Variants in ELAPOR2 observed in about 807,000 individuals in gnomAD.
The protein encoded by ELAPOR2 is endosome/lysosome-associated apoptosis and autophagy regulator family member 2.
In ELAPOR2, 89 loss-of-function variants were observed where a neutral mutation model predicts 120.7. The ratio of observed to expected loss-of-function variants is 0.74; its 90% confidence interval spans 0.62 to 0.88. ELAPOR2 has a LOEUF of 0.88. Among genes scored for constraint, ELAPOR2 ranks in the 40% least tolerant of loss-of-function variants. The pLI, the probability that ELAPOR2 is intolerant of heterozygous loss-of-function variation, is 0.00. For missense variants in ELAPOR2, 1,134 were observed against 1,251.6 expected (o/e 0.91, Z 1.42); for synonymous variants, 444 against 444.9 (o/e 1.00, Z 0.03).
intron 2 of ELAPOR2, among the ~76,000 whole-genome samples, chr7:86,952,164 G>A (rs1304893719): frequency 1.3e-5 from 2 of 152,182 alleles, no homozygotes; most frequent in Non-Finnish European, 2.9e-5. Flanking sequence ...AACTATGAAA[G>A]CATTGAGTGT....
At chr7:86,941,718 C>G (rs1790802802) in intron 5 of ELAPOR2, among the ~76,000 whole-genome samples, 1 of 151,734 alleles carries the variant, frequency 6.6e-6, no homozygotes. Flanking sequence ...CTCATGGATG[C>G]CCCTTTGAAA....
chr7:86,923,233 A>T (rs1233782195), intron 10 of ELAPOR2, among the ~76,000 whole-genome samples: 1 of 151,950 alleles, frequency 6.6e-6, no homozygotes, highest in African/African-American at 2.4e-5. Flanking sequence ...TGTTCAATAT[A>T]CAGTAGGGTG....
chr7:86,897,246 T>C (rs1278320757), intron 19 of ELAPOR2, among the ~76,000 whole-genome samples: 1 of 152,160 alleles, frequency 6.6e-6, no homozygotes, highest in Non-Finnish European at 1.5e-5. Flanking sequence ...GGTTTAATGA[T>C]GTTATTCCCA....
chr7:86,930,757 C>T (rs1012391854), intron 8 of ELAPOR2, among the ~76,000 whole-genome samples: 4 of 151,944 alleles, frequency 2.6e-5, no homozygotes, highest in African/African-American at 9.7e-5. Flanking sequence ...AAAAACATGT[C>T]ATTCCAGTAT....
At chr7:86,965,535 C>G (rs1322379412) in intron 1 of ELAPOR2, among the ~76,000 whole-genome samples, 1 of 152,160 alleles carries the variant, frequency 6.6e-6, no homozygotes, top group Non-Finnish European at 1.5e-5. Flanking sequence ...AAGCAGCTCT[C>G]CCAGGCTTAC....
intron 1 of ELAPOR2, among the ~76,000 whole-genome samples, chr7:87,011,154 G>A (rs1410233862): frequency 3.3e-5 from 5 of 151,082 alleles, no homozygotes; most frequent in South Asian, 4.2e-4. Context: ...TGTAGTCCCA[G>A]CTACTCGGGA....
At chr7:86,968,420 A>G (rs1562948750) in intron 1 of ELAPOR2, among the ~76,000 whole-genome samples, 1 of 152,236 alleles carries the variant, frequency 6.6e-6, no homozygotes, top group Non-Finnish European at 1.5e-5. Context: ...AGGACATACC[A>G]AAACAGGCAA....
intron 18 of ELAPOR2, among the ~76,000 whole-genome samples, chr7:86,903,241 T>C (rs1475822652): frequency 1.3e-5 from 2 of 152,244 alleles, no homozygotes; most frequent in Admixed American, 1.3e-4. Context: ...GTCTGAAGTA[T>C]ATAATTTTAG....
intron 1 of ELAPOR2, among the ~76,000 whole-genome samples, chr7:86,981,998 A>T (rs1459223342): frequency 1.3e-5 from 2 of 152,258 alleles, no homozygotes; most frequent in African/African-American, 4.8e-5. Context: ...CGGCAAGCCA[A>T]GAGATTATAT....
At chr7:87,045,860 G>A (rs547406519) in intron 1 of ELAPOR2, among the ~76,000 whole-genome samples, 2 of 151,926 alleles carry the variant, frequency 1.3e-5, no homozygotes, top group East Asian at 3.9e-4. Flanking sequence ...ACCAAATGGG[G>A]AAAAACTGAA....
Position 86,898,204 on chromosome 7 carries a change from C to T in ELAPOR2, c.2559-572G>A, listed in dbSNP as rs6965996. On this transcript the variant is annotated intron_variant, in intron 18 of 21. Coordinates refer to ENST00000450689, the MANE Select transcript of ELAPOR2 (RefSeq NM_001142749.3). ...GGCATACCACAACTTGGAAGAACCT[C>T]GAAAATATTATGCTAAGTGAAAGAA... Among the ~76,000 whole-genome samples, 715 of 152,128 alleles carry T rather than the reference C, an allele frequency of 4.7e-3. 6 individuals are homozygous for T. The highest frequency in any genetic ancestry group is 0.016 in the African/African-American group (673 of 41,498).
At chr7:86,929,143 C>A (rs560934085) in intron 8 of ELAPOR2, among the ~76,000 whole-genome samples, 78 of 151,502 alleles carry the variant, frequency 5.1e-4, no homozygotes, top group African/African-American at 1.5e-3. Context: ...GAAAAAAAAA[C>A]CACATTTTTA....
intron 19 of ELAPOR2, among the ~76,000 whole-genome samples, chr7:86,893,675 C>A (rs1255292480): frequency 6.6e-6 from 1 of 151,988 alleles, no homozygotes; most frequent in Non-Finnish European, 1.5e-5. Context: ...CTTCCCCATG[C>A]CAAAATAAGG....
chr7:87,039,395 C>T (rs1370210670), intron 1 of ELAPOR2, among the ~76,000 whole-genome samples: 3 of 152,098 alleles, frequency 2.0e-5, no homozygotes, highest in Non-Finnish European at 4.4e-5. Context: ...AGAATACTTC[C>T]AAACTCATTC....
rs565570132 is a variant in ELAPOR2 at position 86,877,421 on chromosome 7, T to C, written c.*3050A>G. On this transcript the variant is annotated 3_prime_UTR_variant, in exon 22 of 22. Transcript: ENST00000450689. ...CAATCATATTCATGATTACTATAAA[T>C]AGATATGAGGGAGGTTTAGTTTCTC... The C allele has an allele frequency of 3.9e-5, 6 of 152,290 alleles. No homozygotes were observed. The East Asian group carries it at 1.2e-3, about 29-fold the overall frequency. The allele number at this position is 152,290 out of a possible 1,614,324, so 9.4% of individuals were successfully genotyped here.
In ELAPOR2 at chr7:86,908,448, TATAAAA is replaced by T; in HGVS notation, c.2449_2454del (p.Phe817_Tyr818del). The stretch of plus-strand genomic sequence containing the variant: ...AAGGGAAACAGCATCTTCACTTACT[TATAAAA>T]GAAATGCACATCTGGTATTTGGCTT... On this transcript the variant is annotated inframe_deletion and splice_region_variant, in exon 17 of 22. Coordinates refer to ENST00000450689, the MANE Select transcript of ELAPOR2 (RefSeq NM_001142749.3). The T allele has an allele frequency of 6.5e-7, 1 of 1,529,310 alleles. No homozygotes were observed. Among genetic ancestry groups the T allele is most frequent in the Non-Finnish European group, 8.9e-7 (1 of 1,117,758 alleles). 94.7% of individuals were successfully genotyped at this position (1,529,310 alleles called of 1,614,324 possible).
intron 20 of ELAPOR2, among the ~76,000 whole-genome samples, chr7:86,892,700 C>CT (rs1363544239): frequency 6.6e-6 from 1 of 151,964 alleles, no homozygotes; most frequent in Non-Finnish European, 1.5e-5. Flanking sequence ...TAATAAATGA[C>CT]TCTAACTCAA....
chr7:86,988,472 T>G (rs1792833681), intron 1 of ELAPOR2, among the ~76,000 whole-genome samples: 1 of 152,136 alleles, frequency 6.6e-6, no homozygotes, highest in East Asian at 1.9e-4. Context: ...AGCCTAGAGG[T>G]GATTTAAAGT....
At position 86,912,930 on chromosome 7, in the gene ELAPOR2, G is replaced by A. The variant is rs753010808; in HGVS notation, c.1995+11C>T. The A allele has an allele frequency of 4.3e-6, 7 of 1,611,302 alleles. No individual in the cohort carries two copies. The highest frequency in any genetic ancestry group is 3.3e-4 in the Middle Eastern group (2 of 6,070). ...CTTTCATGGGGATACCTGAAATGCA[G>A]ACCCACTTACCTGATTGTTTTTACT... On this transcript the variant is annotated intron_variant, in intron 14 of 21. Transcript: ENST00000450689.
Sources: gnomAD v4.1 joint callset for allele counts (sites outside exome capture counted in the v4.1 genomes callset) on GRCh38, gnomAD v4.1.1 for gene constraint, MANE v1.5 for transcripts, NCBI Gene and HGNC (gene_info 2026-07-23, HGNC 2026-07-21) for gene names.